The following KDM5A variants were observed in gnomAD, a reference collection of about 807,000 sequenced individuals.
KDM5A encodes the protein lysine demethylase 5A.
In KDM5A, 42 loss-of-function variants were observed where a neutral mutation model predicts 193.5. The observed-to-expected ratio is 0.22, with a 90% CI of 0.17 to 0.28. KDM5A has a LOEUF of 0.28. Among genes scored for constraint, KDM5A ranks in the 10% least tolerant of loss-of-function variants. The pLI is 1.00. For synonymous variants in KDM5A, 796 were observed against 718.1 expected (o/e 1.11, Z -1.73); for missense variants, 1,692 against 2,055.1 (o/e 0.82, Z 3.42).
intron 3 of KDM5A, among the ~76,000 whole-genome samples, chr12:375,923 C>T (rs1411365307): frequency 6.6e-6 from 1 of 152,224 alleles, no homozygotes; most frequent in African/African-American, 2.4e-5. Flanking sequence ...ATATTGCTGC[C>T]TGATCCTTCC....
At chr12:293,223 T>C in intron 26 of KDM5A, 54 bp from the exon 27 acceptor site, 1 of 1,469,136 alleles carries the variant, frequency 6.8e-7, no homozygotes. Context: ...TAAAAAACAG[T>C]ATTACTCTCT....
At chr12:349,861 G>A (rs890406319) in intron 10 of KDM5A, among the ~76,000 whole-genome samples, 2 of 151,266 alleles carry the variant, frequency 1.3e-5, no homozygotes, top group Non-Finnish European at 2.9e-5. Context: ...CGGGCGCAGT[G>A]ACTCACGCCT....
intron 3 of KDM5A, among the ~76,000 whole-genome samples, chr12:382,951 A>G (rs181123662): frequency 3.9e-4 from 59 of 152,118 alleles, no homozygotes; most frequent in African/African-American, 1.4e-3. Context: ...AGAAAAAAAC[A>G]TATCTCAAGG....
chr12:313,729 A>T (rs1166609292), intron 19 of KDM5A, among the ~76,000 whole-genome samples: 1 of 152,242 alleles, frequency 6.6e-6, no homozygotes, highest in Admixed American at 6.5e-5. Context: ...GAATCACAAT[A>T]GAAGATAAGA....
intron 13 of KDM5A, 45 bp downstream of exon 13, chr12:331,774 A>AG (rs762759035): frequency 3.7e-6 from 6 of 1,611,234 alleles, no homozygotes; most frequent in Admixed American, 1.7e-5. Context: ...TTATATTTAT[A>AG]GGGGGGTTAG....
chr12:330,054 A>AGTGTGTATGTGTGT (rs1436319928), intron 13 of KDM5A, among the ~76,000 whole-genome samples: 1 of 142,278 alleles, frequency 7.0e-6, no homozygotes, highest in African/African-American at 2.6e-5. Context: ...CAAAGGAAAA[A>AGTGTGTATGTGTGT]GTGTGTGTGT....
intron 26 of KDM5A, 114 bp downstream of exon 26, chr12:295,459 T>C (rs1943358502): frequency 6.0e-6 from 6 of 996,752 alleles, no homozygotes; most frequent in Admixed American, 1.7e-5. Flanking sequence ...AGTGGGAAAG[T>C]AGACCAGCCA....
At chr12:339,099 A>G (rs924693580) in intron 10 of KDM5A, among the ~76,000 whole-genome samples, 1 of 150,734 alleles carries the variant, frequency 6.6e-6, no homozygotes, top group Admixed American at 6.7e-5. Flanking sequence ...AAACGCCTGA[A>G]CCCGGGAGGC....
intron 22 of KDM5A, among the ~76,000 whole-genome samples, chr12:308,649 C>T (rs576350644): frequency 5.1e-4 from 77 of 152,282 alleles, no homozygotes; most frequent in South Asian, 1.2e-3. Context: ...ACTGTCAGTG[C>T]ATTTTCTTGT....
intron 7 of KDM5A, 137 bp downstream of exon 7, chr12:355,021 G>A (rs764786283): frequency 2.6e-5 from 18 of 703,406 alleles, no homozygotes; most frequent in Non-Finnish European, 4.4e-5. Context: ...AACAAAAGCT[G>A]TAACTTCACA....
intron 5 of KDM5A, among the ~76,000 whole-genome samples, chr12:362,157 C>T (rs906497980): frequency 3.3e-5 from 5 of 151,864 alleles, no homozygotes; most frequent in African/African-American, 4.8e-5. Flanking sequence ...TATATGTTAA[C>T]GTACATGGAT....
chr12:366,478 T>G (rs971052460), intron 3 of KDM5A, among the ~76,000 whole-genome samples: 5 of 152,126 alleles, frequency 3.3e-5, no homozygotes, highest in African/African-American at 1.2e-4. Flanking sequence ...AAATGTTATA[T>G]AATACAAAAT....
intron 24 of KDM5A, among the ~76,000 whole-genome samples, chr12:298,954 A>G (rs1357763707): frequency 6.6e-6 from 1 of 151,888 alleles, no homozygotes; most frequent in African/African-American, 2.4e-5. Flanking sequence ...GATATCAGAG[A>G]TTGAAGATCA....
At chr12:315,167 C>G (rs1943636252) in intron 19 of KDM5A, among the ~76,000 whole-genome samples, 1 of 152,092 alleles carries the variant, frequency 6.6e-6, no homozygotes, top group African/African-American at 2.4e-5. Flanking sequence ...TACAAGCAGT[C>G]CAAGTGAAAA....
chr12:356,681 T>C, intron 5 of KDM5A, 144 bp from the exon 6 acceptor site: 1 of 661,060 alleles, frequency 1.5e-6, no homozygotes. Context: ...CACTGCCTCA[T>C]TACCACAGTT....
At chr12:349,465 G>A (rs1944122393) in intron 10 of KDM5A, among the ~76,000 whole-genome samples, 1 of 151,796 alleles carries the variant, frequency 6.6e-6, no homozygotes, top group East Asian at 2.0e-4. Flanking sequence ...GAGTAGCTGG[G>A]ATTACAGGCG....
At chr12:333,796 C>T in intron 11 of KDM5A, 147 bp from the exon 12 acceptor site, 1 of 788,052 alleles carries the variant, frequency 1.3e-6, no homozygotes, top group Non-Finnish European at 2.2e-6. Context: ...TCTTATAAAC[C>T]TGTGCTGTTG....
intron 3 of KDM5A, among the ~76,000 whole-genome samples, chr12:366,838 C>T (rs912516547): frequency 6.6e-6 from 1 of 152,222 alleles, no homozygotes; most frequent in Non-Finnish European, 1.5e-5. Context: ...CAGTCATGCA[C>T]TGCATAACAT....
chr12:306,994 T>C lies in KDM5A; in HGVS notation c.4026A>G (p.Glu1342=). Reference sequence around the variant, plus strand: ...CTCGAATGTCTTCATCAGAGTCTGTTTCTTCATCATCATAGTCCATTGTTT... The same window carrying C: ...CTCGAATGTCTTCATCAGAGTCTGTCTCTTCATCATCATAGTCCATTGTTT... ...PRQTMDYDDE[E]TDSDEDIRET... is the part of the protein sequence containing the mutation. Residue 1342 remains glutamate (E), a synonymous_variant, in exon 24 of 28, where the codon GAA becomes GAG. Coordinates refer to ENST00000399788, the MANE Select transcript of KDM5A (RefSeq NM_001042603.3). 2 of 1,614,130 alleles carry C rather than the reference T, an allele frequency of 1.2e-6. No individual in the cohort carries two copies. Among genetic ancestry groups the C allele is most frequent in the East Asian group, 2.2e-5 (1 of 44,880 alleles).
Sources: allele counts gnomAD v4.1 joint callset (sites outside exome capture counted in the v4.1 genomes callset), GRCh38; gene constraint gnomAD v4.1.1; transcripts MANE v1.5; gene names NCBI Gene and HGNC (gene_info 2026-07-23, HGNC 2026-07-21).